IFT122: variants seen among roughly 807,000 people sequenced by gnomAD.
The protein encoded by IFT122 is intraflagellar transport protein 122 homolog.
In IFT122, 118 loss-of-function variants were observed where a neutral mutation model predicts 161.6. The ratio of observed to expected loss-of-function variants is 0.73; its 90% CI spans 0.63 to 0.85. The LOEUF (loss-of-function observed/expected upper bound fraction) is 0.85, where lower values mean the gene tolerates loss of function less well. Ranked by LOEUF, IFT122 falls within the 40% of genes least tolerant of loss-of-function variation. The pLI, the probability that IFT122 is intolerant of heterozygous loss-of-function variation, is 0.00. For synonymous variants in IFT122, 550 were observed against 602.4 expected, an observed-to-expected ratio of 0.91 and a Z score of 1.27; for missense variants, 1,381 against 1,579.6, an observed-to-expected ratio of 0.87 and a Z score of 2.13.
At chr3:129,459,688 CCT>C in intron 4 of IFT122, among the ~76,000 whole-genome samples, 1 of 6,432 alleles carries the variant, frequency 1.6e-4, no homozygotes, top group Non-Finnish European at 2.5e-4. Flanking sequence ...CTCCCTTCTT[CCT>C]TCCTTCCTTC....
chr3:129,442,325 G>T (rs2073312543), intron 1 of IFT122, among the ~76,000 whole-genome samples: 1 of 152,084 alleles, frequency 6.6e-6, no homozygotes, highest in Admixed American at 6.6e-5. Context: ...AATTATTCTA[G>T]AGACAGGTCA....
At chr3:129,447,174 C>CT (rs2107854600) in intron 1 of IFT122, among the ~76,000 whole-genome samples, 1 of 152,174 alleles carries the variant, frequency 6.6e-6, no homozygotes, top group South Asian at 2.1e-4. Flanking sequence ...TATTCTGAGC[C>CT]TAATATGAGT....
chr3:129,469,438 C>T, intron 9 of IFT122, 21 bp downstream of exon 9: 1 of 1,562,134 alleles, frequency 6.4e-7, no homozygotes, highest in East Asian at 2.2e-5. Flanking sequence ...CTGTACAAAT[C>T]CAATTGCAGT....
rs1318461026 is a variant in IFT122, at chr3:129,515,517, CACCAACAACCCGCTGCTCA to C, written c.3186_3204del (p.Asn1063ThrfsTer48). 8 of 1,563,624 alleles carry C rather than the reference CACCAACAACCCGCTGCTCA, an allele frequency of 5.1e-6. No individual in the cohort carries two copies. Among genetic ancestry groups the C allele is most frequent in the Admixed American group, 1.7e-5 (1 of 59,788 alleles). On this transcript the variant is annotated frameshift_variant, in exon 26 of 30. Coordinates refer to ENST00000348417, the MANE Select transcript of IFT122 (RefSeq NM_052989.3). LOFTEE classifies it high-confidence loss of function. ...TGGTGCCCTTGTGCTACCGCTGCTC[CACCAACAACCCGCTGCTCA>C]ACAACCTGGGCAACGTCTGCATCAA...
In IFT122 at chr3:129,448,255, A is replaced by G. The variant is rs185622574; in HGVS notation, c.42-1616A>G. ...ACACCAGAGTGAGGTTACGAGTAGA[A>G]GTTTAACAGGCGAAAGAAAGAGAAG... On this transcript the variant is annotated intron_variant, in intron 1 of 29. Coordinates refer to ENST00000348417, the MANE Select transcript of IFT122 (RefSeq NM_052989.3). Among the ~76,000 whole-genome samples the G allele has an allele frequency of 3.9e-4, 60 of 152,226 alleles. 1 individual carries two copies. Among genetic ancestry groups the G allele is most frequent in the Non-Finnish European group, 7.3e-4 (50 of 68,042 alleles).
At chr3:129,457,939 C>A in intron 3 of IFT122, 1 of 157,426 alleles carries the variant, frequency 6.4e-6, no homozygotes, top group Non-Finnish European at 1.4e-5. Flanking sequence ...GGGGTTTCAC[C>A]GTGTTGGCCA....
chr3:129,514,404 C>T lies in IFT122; in HGVS notation c.3003C>T (p.Thr1001=), dbSNP rs757583043. The part of the protein sequence containing the change: ...SGISKVKILF[T]LAKQSKALGA... ...TTCACGGCAGGAAAATACTCTTCAC[C>T]TTGGCCAAGCAGAGCAAGGCCCTCG... Residue 1001 remains threonine (T), a synonymous_variant, in exon 25 of 30, where the codon ACC becomes ACT. Transcript: ENST00000348417. 1.2e-6 allele frequency: 2 copies of T among 1,614,162 alleles called. No homozygotes were observed. Among genetic ancestry groups the T allele is most frequent in the Admixed American group, 1.7e-5 (1 of 60,022 alleles).
Position 129,517,006 on chromosome 3 carries a change from G to C in IFT122, c.3266-463G>C, listed in dbSNP as rs111211374. Among the ~76,000 whole-genome samples the C allele has an allele frequency of 5.9e-3, 516 of 87,816 alleles. 10 individuals carry two copies. Among genetic ancestry groups the C allele is most frequent in the African/African-American group, 0.022 (491 of 22,612 alleles). The allele number at this position is 87,816 out of a possible 152,430, so 57.6% of individuals were successfully genotyped here. A position where few individuals can be genotyped will look rare whatever the true frequency, so the allele number is the denominator to read the frequency against. On this transcript the variant is annotated intron_variant, in intron 26 of 29. Coordinates refer to ENST00000348417, the MANE Select transcript of IFT122 (RefSeq NM_052989.3). ...CTGCCCCTGCACACACACACACACA[G>C]AAACTGCCCCTGCACACACACAGAT...
At chr3:129,471,718 C>A (rs928558060) in intron 9 of IFT122, among the ~76,000 whole-genome samples, 1 of 152,142 alleles carries the variant, frequency 6.6e-6, no homozygotes, top group Admixed American at 6.5e-5. Context: ...GGGTGTCTTC[C>A]CTTCCCAATC....
chr3:129,476,218 C>A, intron 9 of IFT122, 97 bp from the exon 10 acceptor site: 1 of 1,340,324 alleles, frequency 7.5e-7, no homozygotes, highest in South Asian at 1.2e-5. Context: ...GTCTTCCCAA[C>A]TCCCTCTAAA....
At chr3:129,482,328 C>T (rs373258388) in intron 14 of IFT122, among the ~76,000 whole-genome samples, 6 of 152,348 alleles carry the variant, frequency 3.9e-5, no homozygotes, top group African/African-American at 1.4e-4. Flanking sequence ...TGCCCCGGGC[C>T]TGGTTGGCTT....
intron 21 of IFT122, 98 bp downstream of exon 21, chr3:129,504,519 T>A (rs530654242): frequency 2.2e-6 from 2 of 927,190 alleles, no homozygotes; most frequent in Non-Finnish European, 3.5e-6. Context: ...CATCTGTAGA[T>A]CCCAAGATAG....
At chr3:129,459,477 G>A (rs2108039760) in intron 4 of IFT122, 2 of 314,658 alleles carry the variant, frequency 6.4e-6, no homozygotes, top group South Asian at 4.7e-5. Flanking sequence ...TTTTAGTAGA[G>A]ATGGGGTTTC....
chr3:129,448,473 G>A (rs1387596412), intron 1 of IFT122, among the ~76,000 whole-genome samples: 3 of 152,158 alleles, frequency 2.0e-5, no homozygotes, highest in Non-Finnish European at 4.4e-5. Context: ...CATTGGGTGC[G>A]AAAAGCTGGC....
intron 14 of IFT122, among the ~76,000 whole-genome samples, chr3:129,482,001 G>A (rs779124266): frequency 6.6e-6 from 1 of 152,260 alleles, no homozygotes; most frequent in Non-Finnish European, 1.5e-5. Context: ...CAATGACTCT[G>A]AGAGGGGTGT....
intron 8 of IFT122, 112 bp from the exon 9 acceptor site, chr3:129,469,230 C>T (rs1268110445): frequency 3.2e-6 from 3 of 933,402 alleles, no homozygotes; most frequent in Non-Finnish European, 5.3e-6. Flanking sequence ...AGCTGTACAA[C>T]ATTTGGCAAC....
chr3:129,519,272 G>T lies in IFT122; in HGVS notation c.3471+86G>T, dbSNP rs368734136. ...ATGGGGACCCTCAGCTAGCGCAGTG[G>T]TGGAGGAGGATTGGCCAGAACTTCC... On this transcript the variant is annotated intron_variant, in intron 28 of 29. Transcript: ENST00000348417. The T allele has an allele frequency of 3.9e-6, 5 of 1,269,586 alleles. No individual in the cohort carries two copies. In the South Asian group the frequency reaches 6.0e-5, roughly 15 times the overall value. 78.6% of individuals were successfully genotyped at this position (1,269,586 alleles called of 1,614,324 possible).
intron 18 of IFT122, among the ~76,000 whole-genome samples, chr3:129,497,587 A>G (rs1184611247): frequency 6.6e-6 from 1 of 152,132 alleles, no homozygotes; most frequent in Non-Finnish European, 1.5e-5. Flanking sequence ...ACTGTGGTGG[A>G]CTTCGTGTGC....
chr3:129,463,651 T>C (rs753548791), intron 6 of IFT122, 25 bp downstream of exon 6: 2 of 1,569,154 alleles, frequency 1.3e-6, no homozygotes, highest in Admixed American at 1.7e-5. Flanking sequence ...GACGATAAGA[T>C]TTATGTTCCT....
Sources: gnomAD v4.1 joint callset for allele counts (sites outside exome capture counted in the v4.1 genomes callset) on GRCh38, gnomAD v4.1.1 for gene constraint, MANE v1.5 for transcripts, NCBI Gene and HGNC (gene_info 2026-07-23, HGNC 2026-07-21) for gene names.